Variants in RALB observed in about 807,000 individuals in gnomAD.
The protein encoded by RALB is ras-related protein Ral-B.
Under a neutral mutation model 21.3 loss-of-function variants are expected in RALB, and 16 were observed. That is an observed-to-expected ratio of 0.75 (90% CI 0.51 to 1.14). RALB has a LOEUF of 1.14. Among genes scored for constraint, RALB ranks in the 50% most tolerant of loss-of-function variants. RALB has a pLI of 0.00. For synonymous variants in RALB, 93 were observed against 96.1 expected, an observed-to-expected ratio of 0.97 and a Z score of 0.19; for missense variants, 161 against 256.2, an observed-to-expected ratio of 0.63 and a Z score of 2.54.
chr2:120,258,531 G>A (rs576298105), intron 1 of RALB, among the ~76,000 whole-genome samples: 3 of 152,206 alleles, frequency 2.0e-5, no homozygotes, highest in Admixed American at 2.0e-4. Context: ...AGCCTTTAAG[G>A]AGCGTTAAGC....
chr2:120,262,077 A>G (rs1250424834), intron 1 of RALB, among the ~76,000 whole-genome samples: 1 of 152,166 alleles, frequency 6.6e-6, no homozygotes, highest in African/African-American at 2.4e-5. Context: ...GGAGTTGGGT[A>G]GAATGGAAGT....
In RALB at chr2:120,259,829, G is replaced by A. The variant is rs549146030; in HGVS notation, c.-48+6849G>A. ...GGCGCTCGTCGGGGAGGCTCGGGCC[G>A]CACAGGAGCCCATGGAGTGGGTGGG... On this transcript the variant is annotated intron_variant, in intron 1 of 4. Transcript: ENST00000272519. Among the ~76,000 whole-genome samples, 393 of 152,316 alleles carry A rather than the reference G, an allele frequency of 2.6e-3. 6 individuals are homozygous for A. The highest frequency in any genetic ancestry group is 8.9e-3 in the African/African-American group (368 of 41,556).
At chr2:120,289,917 T>A (rs1469559799) in intron 4 of RALB, among the ~76,000 whole-genome samples, 160 bp downstream of exon 4, 1 of 152,236 alleles carries the variant, frequency 6.6e-6, no homozygotes, top group Non-Finnish European at 1.5e-5. Flanking sequence ...ATGAGAAACA[T>A]TGAGAGGATG....
chr2:120,273,262 A>G (rs1335265861), intron 1 of RALB, among the ~76,000 whole-genome samples: 1 of 151,584 alleles, frequency 6.6e-6, no homozygotes, highest in Non-Finnish European at 1.5e-5. Flanking sequence ...GGATGCAACT[A>G]TAGGGGTGTA....
At chr2:120,281,567 G>C (rs1398596993) in intron 2 of RALB, among the ~76,000 whole-genome samples, 2 of 152,068 alleles carry the variant, frequency 1.3e-5, no homozygotes, top group Non-Finnish European at 2.9e-5. Context: ...TATCCTCCTG[G>C]GTCATGCTCC....
upstream of RALB, among the ~76,000 whole-genome samples, chr2:120,252,028 T>C (rs1689066475): frequency 6.6e-6 from 1 of 152,158 alleles, no homozygotes; most frequent in African/African-American, 2.4e-5. Flanking sequence ...TAAGAGATAG[T>C]TCCCTCCCTT....
At chr2:120,293,020 A>T in intron 4 of RALB, 121 bp from the exon 5 acceptor site, 1 of 1,025,358 alleles carries the variant, frequency 9.8e-7, no homozygotes, top group Non-Finnish European at 1.3e-6. Context: ...TATCCTGCTT[A>T]GTCAAATTAT....
Position 120,294,085 on chromosome 2 carries a change from T to A in RALB, c.*825T>A. 1 of 398,624 alleles carries A rather than the reference T, an allele frequency of 2.5e-6. No individual in the cohort carries two copies. Among genetic ancestry groups the A allele is most frequent in the Non-Finnish European group, 4.4e-6 (1 of 226,064 alleles). 24.7% of individuals were successfully genotyped at this position (398,624 alleles called of 1,614,324 possible). A position where few individuals can be genotyped will look rare whatever the true frequency, so the allele number is the denominator to read the frequency against. On this transcript the variant is annotated 3_prime_UTR_variant, in exon 5 of 5. Coordinates refer to ENST00000272519, the MANE Select transcript of RALB (RefSeq NM_002881.3). Reference sequence around the variant, plus strand: ...TAAGTCCTCTCCTAACTGCCTGTCCTCTGGTTAGGCCCCTCCCTCTCCACT... The same window carrying A: ...TAAGTCCTCTCCTAACTGCCTGTCCACTGGTTAGGCCCCTCCCTCTCCACT...
chr2:120,272,479 G>T (rs1275616986), intron 1 of RALB, among the ~76,000 whole-genome samples: 1 of 152,214 alleles, frequency 6.6e-6, no homozygotes, highest in Non-Finnish European at 1.5e-5. Context: ...ATGGATTTGT[G>T]ATAAAGCAAA....
At chr2:120,286,323 G>A (rs1355363996) in intron 3 of RALB, among the ~76,000 whole-genome samples, 1 of 152,154 alleles carries the variant, frequency 6.6e-6, no homozygotes. Context: ...AATTTTAAGA[G>A]TCTTACTGTC....
Position 120,293,331 on chromosome 2 carries a change from GT to G in RALB, c.*73del. The G allele has an allele frequency of 6.9e-7, 1 of 1,439,986 alleles. No homozygotes were observed. The highest frequency in any genetic ancestry group is 1.5e-5 in the African/African-American group (1 of 68,296). 89.2% of individuals were successfully genotyped at this position (1,439,986 alleles called of 1,614,324 possible). A position where few individuals can be genotyped will look rare whatever the true frequency, so the allele number is the denominator to read the frequency against. ...CTGGGTTGGTAAAGAGAAGGCTATG[GT>G]TGACTTCTTGCTTGTGCTTCCCACT... On this transcript the variant is annotated 3_prime_UTR_variant, in exon 5 of 5. Coordinates refer to ENST00000272519, the MANE Select transcript of RALB (RefSeq NM_002881.3).
At chr2:120,280,912 G>GT (rs1231157143) in intron 2 of RALB, 3 of 423,194 alleles carry the variant, frequency 7.1e-6, no homozygotes, top group East Asian at 1.5e-4. Context: ...CTAGAGGTAT[G>GT]TCAGGCAGTT....
At chr2:120,275,624 C>T (rs966264558) in intron 1 of RALB, among the ~76,000 whole-genome samples, 12 of 152,112 alleles carry the variant, frequency 7.9e-5, no homozygotes, top group South Asian at 2.1e-4. Context: ...TGTTTTATTT[C>T]GCCCAGTGAT....
intron 1 of RALB, among the ~76,000 whole-genome samples, chr2:120,269,009 T>C (rs1040944731): frequency 6.6e-6 from 1 of 152,238 alleles, no homozygotes; most frequent in Admixed American, 6.5e-5. Flanking sequence ...CATTGCCATT[T>C]TGTACCTCCT....
intron 2 of RALB, chr2:120,280,728 C>A: frequency 2.0e-5 from 5 of 249,156 alleles, no homozygotes; most frequent in South Asian, 7.5e-5. Context: ...AAAAAAAAAA[C>A]TCATGTAGTT....
chr2:120,261,445 G>C (rs546640626), intron 1 of RALB, among the ~76,000 whole-genome samples: 1 of 152,252 alleles, frequency 6.6e-6, no homozygotes, highest in East Asian at 1.9e-4. Context: ...TTGATGGCTT[G>C]GTGTTCTCTG....
intron 2 of RALB, among the ~76,000 whole-genome samples, chr2:120,279,072 C>A (rs1474005052): frequency 6.6e-6 from 1 of 152,154 alleles, no homozygotes; most frequent in Non-Finnish European, 1.5e-5. Flanking sequence ...GAGAGAGGAG[C>A]CTTTGTACAG....
intron 2 of RALB, among the ~76,000 whole-genome samples, chr2:120,280,472 T>C (rs564630640): frequency 7.6e-4 from 114 of 150,230 alleles, no homozygotes; most frequent in Non-Finnish European, 1.4e-3. Context: ...ACACCACATA[T>C]TCTCACTCAT....
At chr2:120,274,421 A>G (rs1573343111) in intron 1 of RALB, among the ~76,000 whole-genome samples, 1 of 151,394 alleles carries the variant, frequency 6.6e-6, no homozygotes, top group Non-Finnish European at 1.5e-5. Context: ...AGTAGGGGGG[A>G]GAAGAGCAAA....
Sources: gnomAD v4.1 joint callset for allele counts (sites outside exome capture counted in the v4.1 genomes callset) on GRCh38, gnomAD v4.1.1 for gene constraint, MANE v1.5 for transcripts, NCBI Gene and HGNC (gene_info 2026-07-23, HGNC 2026-07-21) for gene names.